The following JMJD1C variants were observed in gnomAD, a reference collection of about 807,000 sequenced individuals.
JMJD1C encodes jumonji domain-containing protein 1C.
Under a neutral mutation model 245.3 loss-of-function variants are expected in JMJD1C, and 31 were observed. That is an observed-to-expected ratio of 0.13 (90% confidence interval 0.09 to 0.17). The LOEUF (loss-of-function observed/expected upper bound fraction) is 0.17. Among genes scored for constraint, JMJD1C ranks in the 10% least tolerant of loss-of-function variants. The pLI, the probability that JMJD1C is intolerant of heterozygous loss-of-function variation, is 1.00. For synonymous variants in JMJD1C, 1,057 were observed against 1,017.4 expected (o/e 1.04, Z -0.74); for missense variants, 2,691 against 3,000.2 (o/e 0.90, Z 2.41).
chr10:63,273,458 C>G (rs1856515430), intron 2 of JMJD1C, among the ~76,000 whole-genome samples: 1 of 152,148 alleles, frequency 6.6e-6, no homozygotes, highest in East Asian at 1.9e-4. Context: ...ATAGAGAACC[C>G]ACTTGGTATC....
At chr10:63,198,454 T>A in intron 12 of JMJD1C, 59 bp downstream of exon 12, 1 of 1,074,426 alleles carries the variant, frequency 9.3e-7, no homozygotes, top group Non-Finnish European at 1.4e-6. Context: ...CAAACATAAT[T>A]CAAAGAGAAA....
intron 1 of JMJD1C, among the ~76,000 whole-genome samples, chr10:63,419,394 A>T (rs1043510012): frequency 9.9e-5 from 15 of 152,086 alleles, no homozygotes; most frequent in African/African-American, 3.1e-4. Flanking sequence ...CTCGAAAAAA[A>T]ATATATATAT....
intron 2 of JMJD1C, among the ~76,000 whole-genome samples, chr10:63,359,836 T>C (rs1415890986): frequency 2.6e-5 from 4 of 152,190 alleles, no homozygotes; most frequent in Non-Finnish European, 5.9e-5. Flanking sequence ...TGGCTTGGTA[T>C]TGTTTCCATA....
intron 2 of JMJD1C, among the ~76,000 whole-genome samples, chr10:63,294,402 C>T (rs1859133835): frequency 6.6e-6 from 1 of 151,916 alleles, no homozygotes; most frequent in Admixed American, 6.6e-5. Context: ...TCTCCTGCCT[C>T]GGCCTCCTGA....
intron 2 of JMJD1C, among the ~76,000 whole-genome samples, chr10:63,363,656 G>C (rs924924251): frequency 6.6e-6 from 1 of 151,996 alleles, no homozygotes; most frequent in East Asian, 1.9e-4. Flanking sequence ...TCTAAAATCT[G>C]CTAGCATTCC....
intron 2 of JMJD1C, among the ~76,000 whole-genome samples, chr10:63,308,031 G>A (rs1938528818): frequency 6.6e-6 from 1 of 152,146 alleles, no homozygotes; most frequent in African/African-American, 2.4e-5. Context: ...GCAGATGCCT[G>A]TAATACCACC....
At chr10:63,301,713 G>A in intron 2 of JMJD1C, 1 of 449,756 alleles carries the variant, frequency 2.2e-6, no homozygotes, top group Non-Finnish European at 4.4e-6. Flanking sequence ...GCATATGCAG[G>A]GATTAAAACC....
chr10:63,350,630 T>C (rs1944273112), intron 2 of JMJD1C, among the ~76,000 whole-genome samples: 2 of 151,832 alleles, frequency 1.3e-5, no homozygotes, highest in Admixed American at 6.6e-5. Context: ...TTTTTTTTTT[T>C]TTTTGAGACG....
chr10:63,419,580 A>G (rs1950000624), intron 1 of JMJD1C, among the ~76,000 whole-genome samples: 1 of 152,104 alleles, frequency 6.6e-6, no homozygotes, highest in Admixed American at 6.6e-5. Flanking sequence ...TGGCTTCTAC[A>G]GAATAGATCT....
upstream of JMJD1C, chr10:63,466,187 C>G (rs1341487965): frequency 5.4e-6 from 1 of 185,302 alleles, no homozygotes. Context: ...AAGAGGGCCG[C>G]GGGAAAGTAG....
At position 63,394,891 on chromosome 10, in the gene JMJD1C, T is replaced by A. The variant is rs532340445; in HGVS notation, c.169-14409A>T. Among the ~76,000 whole-genome samples, 147 of 150,210 alleles carry A rather than the reference T, an allele frequency of 9.8e-4. 5 individuals are homozygous for A. In the South Asian group the frequency reaches 0.03, roughly 31 times the overall value. ...TAGATGCCATCAAAATTGGAAACGT[T>A]TTACTCTGTGAAAATCAATGTTAAA... On this transcript the variant is annotated intron_variant, in intron 1 of 25. Transcript: ENST00000399262.
At chr10:63,327,812 A>AC (rs1369917603) in intron 2 of JMJD1C, among the ~76,000 whole-genome samples, 1 of 151,884 alleles carries the variant, frequency 6.6e-6, no homozygotes, top group Non-Finnish European at 1.5e-5. Flanking sequence ...AGGATTACAG[A>AC]CATGCACCAC....
chr10:63,185,230 C>T lies in JMJD1C; in HGVS notation c.6830+333G>A, dbSNP rs370284959. Among the ~76,000 whole-genome samples the T allele has an allele frequency of 3.1e-3, 478 of 152,302 alleles. 7 individuals carry two copies. The highest frequency in any genetic ancestry group is 0.011 in the African/African-American group (467 of 41,584). On this transcript the variant is annotated intron_variant, in intron 20 of 25. Transcript: ENST00000399262. The stretch of plus-strand genomic sequence containing the variant: ...ACTGCAGCCTCCACTTCCTCCACTC[C>T]AGTGATCCTCTCACCTCAGCCACGC...
At chr10:63,352,650 A>G (rs1944461826) in intron 2 of JMJD1C, among the ~76,000 whole-genome samples, 3 of 152,080 alleles carry the variant, frequency 2.0e-5, no homozygotes, top group Admixed American at 2.0e-4. Context: ...AAAAAAAAAA[A>G]AAAAAAAAAT....
chr10:63,278,380 G>A (rs1857026220), intron 2 of JMJD1C, among the ~76,000 whole-genome samples: 2 of 137,136 alleles, frequency 1.5e-5, no homozygotes, highest in Non-Finnish European at 3.2e-5. Context: ...AATAAAATTA[G>A]CCGGGTGTGG....
At chr10:63,270,276 C>G (rs1345432822) in intron 2 of JMJD1C, among the ~76,000 whole-genome samples, 6 of 152,032 alleles carry the variant, frequency 3.9e-5, no homozygotes, top group African/African-American at 9.7e-5. Context: ...AAGCGATTCT[C>G]CTCCCTCAGC....
chr10:63,332,294 A>G (rs553804625), intron 2 of JMJD1C, among the ~76,000 whole-genome samples: 1 of 152,312 alleles, frequency 6.6e-6, no homozygotes, highest in African/African-American at 2.4e-5. Flanking sequence ...ACTAAATTTG[A>G]TGTCAATTCA....
At chr10:63,516,787 T>C (rs1400050574) in intron 1 of JMJD1C, among the ~76,000 whole-genome samples, 1 of 152,250 alleles carries the variant, frequency 6.6e-6, no homozygotes, top group Non-Finnish European at 1.5e-5. Flanking sequence ...ACCATCTTTT[T>C]CTACCAATAC....
intron 1 of JMJD1C, among the ~76,000 whole-genome samples, chr10:63,453,969 C>T (rs1372811370): frequency 2.6e-5 from 4 of 152,146 alleles, no homozygotes; most frequent in African/African-American, 9.7e-5. Context: ...GTGATCCGCT[C>T]GCCTCAGCCT....
Sources: gnomAD v4.1 joint callset for allele counts (sites outside exome capture counted in the v4.1 genomes callset) on GRCh38, gnomAD v4.1.1 for gene constraint, MANE v1.5 for transcripts, NCBI Gene and HGNC (gene_info 2026-07-23, HGNC 2026-07-21) for gene names.